MEF2A: variants seen among roughly 807,000 people sequenced by gnomAD.
MEF2A encodes myocyte enhancer factor 2A.
Under a neutral mutation model 55.8 loss-of-function variants are expected in MEF2A, and 28 were observed. The ratio of observed to expected loss-of-function variants is 0.50; its 90% CI spans 0.37 to 0.69. The LOEUF (loss-of-function observed/expected upper bound fraction) is 0.69. Ranked by LOEUF, MEF2A falls within the 30% of genes least tolerant of loss-of-function variation. The pLI is 0.00. For synonymous variants in MEF2A, 239 were observed against 227.1 expected (o/e 1.05, Z -0.47); for missense variants, 528 against 626.2 (o/e 0.84, Z 1.67).
chr15:99,662,839 C>G (rs1210465933), intron 4 of MEF2A, among the ~76,000 whole-genome samples: 3 of 152,200 alleles, frequency 2.0e-5, no homozygotes, highest in African/African-American at 4.8e-5. Flanking sequence ...TTACTGACTA[C>G]TTAGCCGGTG....
At chr15:99,650,220 C>T (rs1346563333) in intron 4 of MEF2A, among the ~76,000 whole-genome samples, 2 of 152,170 alleles carry the variant, frequency 1.3e-5, no homozygotes, top group African/African-American at 4.8e-5. Context: ...TGCCCAGAGT[C>T]ATGTAGCAAT....
intron 2 of MEF2A, among the ~76,000 whole-genome samples, chr15:99,602,385 C>T (rs1000734593): frequency 1.3e-5 from 2 of 152,014 alleles, no homozygotes; most frequent in Admixed American, 6.6e-5. Context: ...ATGTATGCTT[C>T]CTTGAGGTAT....
intron 2 of MEF2A, among the ~76,000 whole-genome samples, chr15:99,613,484 G>A (rs1347224433): frequency 6.6e-6 from 1 of 152,170 alleles, no homozygotes; most frequent in Non-Finnish European, 1.5e-5. Flanking sequence ...ATCCCTGTGG[G>A]TAATCTAGCA....
Position 99,690,427 on chromosome 15 carries a change from T to G in MEF2A, c.857T>G (p.Leu286Arg). 3 of 1,588,576 alleles carry G rather than the reference T, an allele frequency of 1.9e-6. No individual in the cohort carries two copies. Among genetic ancestry groups the G allele is most frequent in the Non-Finnish European group, 2.6e-6 (3 of 1,166,562 alleles). ...PPSSKGMMPPLSEEEELELNT... is the reference protein window; with the variant it reads ...PPSSKGMMPPRSEEEELELNT... ...TCAAGCAAGGGCATGATGCCTCCACTAGTAAGTTGAACCTTTCTTCAACTT... is the reference window on the plus strand; with the variant it reads ...TCAAGCAAGGGCATGATGCCTCCACGAGTAAGTTGAACCTTTCTTCAACTT... The change falls in exon 8 of 12, where the codon CTA (leucine) becomes CGA (arginine). Residue 286 changes from leucine (L) to arginine (R), a missense_variant and splice_region_variant. Physicochemically the swap from Leu to Arg is moderately radical, Grantham distance 102. Around this residue, in one of 2 missense-constraint regions of MEF2A, gnomAD observed 450 missense variants for 475.3 expected, o/e 0.95. Transcript: ENST00000557942.
chr15:99,677,766 A>C (rs1342138596), intron 7 of MEF2A, among the ~76,000 whole-genome samples: 1 of 152,098 alleles, frequency 6.6e-6, no homozygotes, highest in African/African-American at 2.4e-5. Flanking sequence ...TTTATGAGAA[A>C]TTTAAACCTT....
chr15:99,684,498 A>G (rs1325329011), intron 7 of MEF2A, among the ~76,000 whole-genome samples: 2 of 152,148 alleles, frequency 1.3e-5, no homozygotes, highest in Non-Finnish European at 2.9e-5. Flanking sequence ...TCTTTTGGCA[A>G]TTTGTGTATC....
intron 2 of MEF2A, among the ~76,000 whole-genome samples, chr15:99,624,936 T>TA (rs1371340379): frequency 1.3e-5 from 2 of 152,194 alleles, no homozygotes; most frequent in Admixed American, 6.5e-5. Flanking sequence ...TGGTTTGACT[T>TA]ACGATTTTTC....
intron 7 of MEF2A, chr15:99,678,534 T>C (rs889277129): frequency 2.1e-6 from 1 of 469,436 alleles, no homozygotes; most frequent in Non-Finnish European, 2.8e-6. Context: ...TTTTTACCAA[T>C]ATTGTCATTT....
At chr15:99,680,121 T>A (rs1373151986) in intron 7 of MEF2A, among the ~76,000 whole-genome samples, 3 of 152,118 alleles carry the variant, frequency 2.0e-5, no homozygotes, top group Non-Finnish European at 4.4e-5. Flanking sequence ...AGCAGCTGAG[T>A]CTGGGACCAC....
intron 1 of MEF2A, among the ~76,000 whole-genome samples, chr15:99,597,876 A>G (rs1971766251): frequency 6.6e-6 from 1 of 152,198 alleles, no homozygotes; most frequent in Admixed American, 6.5e-5. Context: ...TCAGTCTTCT[A>G]TTCATTTTTG....
At chr15:99,655,855 G>A (rs1406783886) in intron 4 of MEF2A, among the ~76,000 whole-genome samples, 1 of 152,056 alleles carries the variant, frequency 6.6e-6, no homozygotes, top group Non-Finnish European at 1.5e-5. Context: ...AAAGTGGTTT[G>A]TGTGTTATAA....
At chr15:99,605,400 G>A (rs1721050394) in intron 2 of MEF2A, among the ~76,000 whole-genome samples, 1 of 152,080 alleles carries the variant, frequency 6.6e-6, no homozygotes. Flanking sequence ...ACAGGTTCTG[G>A]CAATTTAGGA....
intron 8 of MEF2A, among the ~76,000 whole-genome samples, chr15:99,699,158 A>G (rs534534956): frequency 6.6e-6 from 1 of 152,354 alleles, no homozygotes; most frequent in South Asian, 2.1e-4. Flanking sequence ...AGAAACCCGT[A>G]TCTTTCATAA....
chr15:99,674,682 A>G (rs2051571514), intron 6 of MEF2A, 70 bp downstream of exon 6: 1 of 1,282,530 alleles, frequency 7.8e-7, no homozygotes, highest in African/African-American at 1.5e-5. Context: ...TAACATAAGC[A>G]GTTTCTTATT....
rs1439245099 is a variant in MEF2A, at chr15:99,651,878, G to A, written c.258+6114G>A. On this transcript the variant is annotated intron_variant, in intron 4 of 11. Transcript: ENST00000557942. ...CACAAATGAGAGTTCATGTGGGGAG[G>A]AAAAGATGATAGATATCACTTGTAT... Among the ~76,000 whole-genome samples, 5 of 152,114 alleles carry A rather than the reference G, an allele frequency of 3.3e-5. No individual in the cohort carries two copies. In the East Asian group the frequency reaches 9.6e-4, roughly 29 times the overall value.
intron 2 of MEF2A, among the ~76,000 whole-genome samples, chr15:99,632,174 G>A (rs1363046090): frequency 1.3e-5 from 2 of 151,952 alleles, no homozygotes; most frequent in African/African-American, 4.8e-5. Context: ...TTGAAGGAAA[G>A]CAGACTTAAA....
chr15:99,698,429 A>C (rs1345432703), intron 8 of MEF2A, among the ~76,000 whole-genome samples: 2 of 152,252 alleles, frequency 1.3e-5, no homozygotes, highest in African/African-American at 4.8e-5. Flanking sequence ...CAATATTATC[A>C]GGCTTAGGGA....
intron 7 of MEF2A, chr15:99,681,818 G>T (rs907443926): frequency 6.6e-6 from 1 of 152,002 alleles, no homozygotes; most frequent in Non-Finnish European, 1.5e-5. Context: ...GTGAGAAGGG[G>T]GTAAAGAGTA....
At chr15:99,620,042 T>C (rs2153234102) in intron 2 of MEF2A, among the ~76,000 whole-genome samples, 1 of 152,384 alleles carries the variant, frequency 6.6e-6, no homozygotes, top group African/African-American at 2.4e-5. Context: ...GTTCTTGTTT[T>C]GTAGTAACTT....
Sources: allele counts gnomAD v4.1 joint callset (sites outside exome capture counted in the v4.1 genomes callset), GRCh38; gene constraint gnomAD v4.1.1; regional missense constraint gnomAD v4.1.1; transcripts MANE v1.5; gene names NCBI Gene and HGNC (gene_info 2026-07-23, HGNC 2026-07-21).